PDE6G: variants seen among roughly 807,000 people sequenced by gnomAD.
PDE6G encodes the protein phosphodiesterase 6G, also known as rod cGMP 3',5'-cyclic phosphodiesterase subunit gamma.
PDE6G carries 10 observed loss-of-function variants against 10.9 expected under a neutral mutation model. The observed-to-expected ratio is 0.91, with a 90% confidence interval of 0.56 to 1.55. The LOEUF is 1.55. Ranked by LOEUF, PDE6G falls within the 40% of genes most tolerant of loss-of-function variation. PDE6G has a pLI of 0.00. For synonymous variants in PDE6G, 41 were observed against 42.8 expected, an observed-to-expected ratio of 0.96 and a Z score of 0.16; for missense variants, 102 against 110.1, an observed-to-expected ratio of 0.93 and a Z score of 0.33.
chr17:81,650,735 C>A lies in PDE6G; in HGVS notation c.*339G>T. Reference sequence around the variant, plus strand: ...TAGCTTTCCAGCTGGGAGGAGGGGACGATCTGGGGTCCAGCAGGCTCCCGG... The same window carrying A: ...TAGCTTTCCAGCTGGGAGGAGGGGAAGATCTGGGGTCCAGCAGGCTCCCGG... On this transcript the variant is annotated 3_prime_UTR_variant, in exon 4 of 4. Transcript: ENST00000331056. 2.1e-6 allele frequency: 1 copy of A among 465,212 alleles called. No homozygotes were observed. The highest frequency in any genetic ancestry group is 4.3e-6 in the Non-Finnish European group (1 of 233,696). The allele number at this position is 465,212 out of a possible 1,614,324, so 28.8% of individuals were successfully genotyped here. A position where few individuals can be genotyped will look rare whatever the true frequency, so the allele number is the denominator to read the frequency against.
upstream of PDE6G, chr17:81,657,153 A>T (rs2036457176): frequency 1.3e-5 from 2 of 159,728 alleles, no homozygotes; most frequent in Admixed American, 1.2e-4. Context: ...GATGGAAGCC[A>T]GAGTCCCGAG....
At chr17:81,656,110 T>C (rs758530011) in intron 1 of PDE6G, among the ~76,000 whole-genome samples, 3 of 152,168 alleles carry the variant, frequency 2.0e-5, no homozygotes, top group Non-Finnish European at 4.4e-5. Context: ...ACATGGGCTG[T>C]CCTGGGCAGC....
intron 1 of PDE6G, among the ~76,000 whole-genome samples, chr17:81,655,752 T>C (rs1218906343): frequency 6.6e-6 from 1 of 152,224 alleles, no homozygotes; most frequent in Admixed American, 6.5e-5. Context: ...TGGGGTCCCC[T>C]TTCCTGCCCC....
Position 81,651,535 on chromosome 17 carries a change from G to A in PDE6G, c.187+110C>T. 2 of 952,596 alleles carry A rather than the reference G, an allele frequency of 2.1e-6. No individual in the cohort carries two copies. The highest frequency in any genetic ancestry group is 1.8e-5 in the Admixed American group (1 of 54,768). The allele number at this position is 952,596 out of a possible 1,614,324, so 59.0% of individuals were successfully genotyped here. On this transcript the variant is annotated intron_variant, in intron 3 of 3. Transcript: ENST00000331056. This position sits in a 1 kb window ranked among gnomAD's most constrained non-coding sequence, Gnocchi z 4.8. ...ATGGACAGGCTGGGGGTCCCTAAGTGAAAAGCAGGGGAGGTGGGGGCCGAG... is the reference window on the plus strand; with the variant it reads ...ATGGACAGGCTGGGGGTCCCTAAGTAAAAAGCAGGGGAGGTGGGGGCCGAG...
At position 81,654,378 on chromosome 17, in the gene PDE6G, T is replaced by TA. The variant is rs1491568151; in HGVS notation, c.-59-1015_-59-1014insT. ...GTCTCCCGGGCTGTTGCCCTCTGATTCTTTTTTTTTTTTTTTTTTGAGACA... is the reference window on the plus strand; with the variant it reads ...GTCTCCCGGGCTGTTGCCCTCTGATTACTTTTTTTTTTTTTTTTTTGAGACA... On this transcript the variant is annotated intron_variant, in intron 1 of 3. Transcript: ENST00000331056. Among the ~76,000 whole-genome samples, 826 of 119,622 alleles carry TA rather than the reference T, an allele frequency of 6.9e-3. 14 individuals carry two copies. The highest frequency in any genetic ancestry group is 0.027 in the African/African-American group (798 of 29,276). 78.5% of individuals were successfully genotyped at this position (119,622 alleles called of 152,430 possible). A position where few individuals can be genotyped will look rare whatever the true frequency, so the allele number is the denominator to read the frequency against.
In PDE6G at chr17:81,651,702, C is replaced by G. The variant is rs2036359102; in HGVS notation, c.147-17G>C. On this transcript the variant is annotated splice_polypyrimidine_tract_variant and intron_variant, in intron 2 of 3. Coordinates refer to ENST00000331056, the MANE Select transcript of PDE6G (RefSeq NM_002602.4). The surrounding 1 kb of genome is among the most constrained non-coding windows in gnomAD (Gnocchi z 4.8). Reference sequence around the variant, plus strand: ...TCCCCAAACCTGCAAGGACAGAGCACTCAGGGACATGGCCGGGCCCAGTCC... The same window carrying G: ...TCCCCAAACCTGCAAGGACAGAGCAGTCAGGGACATGGCCGGGCCCAGTCC... 6.2e-7 allele frequency: 1 copy of G among 1,613,724 alleles called. No homozygotes were observed. The highest frequency in any genetic ancestry group is 8.5e-7 in the Non-Finnish European group (1 of 1,179,840).
chr17:81,659,588 G>C (rs895786733), upstream of PDE6G, among the ~76,000 whole-genome samples: 1 of 151,938 alleles, frequency 6.6e-6, no homozygotes. Flanking sequence ...GACAGAGGAA[G>C]ACTTCATCTC....
intron 1 of PDE6G, among the ~76,000 whole-genome samples, chr17:81,662,827 G>A (rs1026040588): frequency 4.6e-5 from 7 of 151,536 alleles, no homozygotes; most frequent in Admixed American, 1.3e-4. Flanking sequence ...GCGAAACCCC[G>A]TCTCTAGTAA....
At chr17:81,655,754 T>C (rs2036437821) in intron 1 of PDE6G, among the ~76,000 whole-genome samples, 2 of 152,232 alleles carry the variant, frequency 1.3e-5, no homozygotes, top group African/African-American at 4.8e-5. Context: ...GGGTCCCCTT[T>C]CCTGCCCCTG....
rs370046245 is a variant in PDE6G at position 81,653,108 on chromosome 17, C to A, written c.146+52G>T. On this transcript the variant is annotated intron_variant, in intron 2 of 3. Transcript: ENST00000331056. The surrounding 1 kb of genome is among the most constrained non-coding windows in gnomAD (Gnocchi z 5.2). ...GCCCCGCCCTCCCCTTCCTGTGCAG[C>A]CTCAGGACCGCCTCCTCCCTTTCAG... The A allele has an allele frequency of 1.1e-4, 176 of 1,605,524 alleles. No individual in the cohort carries two copies. The highest frequency in any genetic ancestry group is 1.4e-4 in the Non-Finnish European group (170 of 1,172,466).
At chr17:81,661,777 T>C (rs1405509746) in intron 1 of PDE6G, among the ~76,000 whole-genome samples, 1 of 150,850 alleles carries the variant, frequency 6.6e-6, no homozygotes, top group East Asian at 1.9e-4. Flanking sequence ...GGAGAATCGC[T>C]TGAACCTGGG....
chr17:81,659,249 T>C (rs2036486913), upstream of PDE6G, among the ~76,000 whole-genome samples: 1 of 149,580 alleles, frequency 6.7e-6, no homozygotes, highest in Non-Finnish European at 1.5e-5. Context: ...AATTCAAGGC[T>C]GCAGAGAGCT....
chr17:81,661,433 C>T (rs899811111), upstream of PDE6G, among the ~76,000 whole-genome samples: 5 of 152,148 alleles, frequency 3.3e-5, no homozygotes, highest in African/African-American at 1.2e-4. Context: ...AGCCTGAAAG[C>T]CAGCCAGGCA....
At chr17:81,658,678 T>G (rs1356392452), upstream of PDE6G, among the ~76,000 whole-genome samples, 3 of 151,642 alleles carry the variant, frequency 2.0e-5, no homozygotes, top group Admixed American at 2.0e-4. Flanking sequence ...CTGTCTCTAC[T>G]AAAAATACAA....
chr17:81,656,904 C>G, upstream of PDE6G: 1 of 442,630 alleles, frequency 2.3e-6, no homozygotes, highest in South Asian at 2.3e-5. Context: ...TGGCCCTCAC[C>G]CGCTGCTGTG....
At position 81,653,828 on chromosome 17, in the gene PDE6G, G is replaced by GAGAC. The variant is rs1250780470; in HGVS notation, c.-59-468_-59-465dup. On this transcript the variant is annotated intron_variant, in intron 1 of 3. Transcript: ENST00000331056. This position sits in a 1 kb window ranked among gnomAD's most constrained non-coding sequence, Gnocchi z 5.2. ...TTTTTTTTTGTTTTGTTTTGTTTTT[G>GAGAC]AGACAGAGTTTTGCTCTTGTTGCCT... 6.2e-6 allele frequency: 1 copy of GAGAC among 161,876 alleles called. No individual in the cohort carries two copies. The highest frequency in any genetic ancestry group is 2.4e-5 in the African/African-American group (1 of 41,360). The allele number at this position is 161,876 out of a possible 1,614,324, so 10.0% of individuals were successfully genotyped here. A position where few individuals can be genotyped will look rare whatever the true frequency, so the allele number is the denominator to read the frequency against.
chr17:81,655,830 C>T (rs1047024963), intron 1 of PDE6G, among the ~76,000 whole-genome samples: 2 of 152,180 alleles, frequency 1.3e-5, no homozygotes, highest in African/African-American at 2.4e-5. Context: ...GAGCTTCAGG[C>T]GTGAGAGTGA....
chr17:81,654,449 G>A (rs748571975), intron 1 of PDE6G, among the ~76,000 whole-genome samples: 1 of 139,416 alleles, frequency 7.2e-6, no homozygotes, highest in Non-Finnish European at 1.5e-5. Flanking sequence ...GCGAGATCTT[G>A]GCTCACTGCA....
chr17:81,651,945 C>G lies in PDE6G; in HGVS notation c.147-260G>C, dbSNP rs994156852. Among the ~76,000 whole-genome samples the G allele has an allele frequency of 2.0e-5, 3 of 152,188 alleles. No individual in the cohort carries two copies. Among genetic ancestry groups the G allele is most frequent in the African/African-American group, 7.2e-5 (3 of 41,450 alleles). On this transcript the variant is annotated intron_variant, in intron 2 of 3. Coordinates refer to ENST00000331056, the MANE Select transcript of PDE6G (RefSeq NM_002602.4). This position sits in a 1 kb window ranked among gnomAD's most constrained non-coding sequence, Gnocchi z 4.8. Reference sequence around the variant, plus strand: ...GAGGTGCAAGTCCCAGGATGCTGGGCAGGTGCGTGCCCTGGGGGAGTACGG... The same window carrying G: ...GAGGTGCAAGTCCCAGGATGCTGGGGAGGTGCGTGCCCTGGGGGAGTACGG...
Sources: gnomAD v4.1 joint callset for allele counts (sites outside exome capture counted in the v4.1 genomes callset) on GRCh38, gnomAD v4.1.1 for gene constraint, Gnocchi (gnomAD v3.1) non-coding constraint, MANE v1.5 for transcripts, NCBI Gene and HGNC (gene_info 2026-07-23, HGNC 2026-07-21) for gene names.